Variants in WASHC2A observed in about 807,000 individuals in gnomAD.
WASHC2A encodes WASH complex subunit 2A.
A neutral mutation model predicts 140.3 loss-of-function variants in WASHC2A; 82 were observed. The ratio of observed to expected loss-of-function variants is 0.58; its 90% confidence interval spans 0.49 to 0.70. WASHC2A has a LOEUF of 0.70. Among genes scored for constraint, WASHC2A ranks in the 30% least tolerant of loss-of-function variants. The pLI, the probability that WASHC2A is intolerant of heterozygous loss-of-function variation, is 0.00. For synonymous variants in WASHC2A, 340 were observed against 560.8 expected (o/e 0.61, Z 5.56); for missense variants, 985 against 1,521.8 (o/e 0.65, Z 5.87).
intron 3 of WASHC2A, among the ~76,000 whole-genome samples, chr10:50,077,656 T>G (rs573662628): frequency 2.6e-5 from 4 of 152,242 alleles, no homozygotes; most frequent in Non-Finnish European, 4.4e-5. Flanking sequence ...TTTCTTTCTT[T>G]TTAAAAAATT....
chr10:50,110,131 C>G lies in WASHC2A; in HGVS notation c.1900C>G (p.His634Asp). 1 of 1,610,960 alleles carries G rather than the reference C, an allele frequency of 6.2e-7. No homozygotes were observed. The highest frequency in any genetic ancestry group is 8.5e-7 in the Non-Finnish European group (1 of 1,179,502). Reference sequence around the variant, plus strand: ...GTGGAATATTCCTGCTTCACAGACCCACTTAGCATCTGACAGCAGGTCTAA... The same window carrying G: ...GTGGAATATTCCTGCTTCACAGACCGACTTAGCATCTGACAGCAGGTCTAA... ...DQWNIPASQTHLASDSRSKGE... is the reference protein window; with the variant it reads ...DQWNIPASQTDLASDSRSKGE... Residue 634 changes from histidine (H) to aspartate (D), a missense_variant, in exon 20 of 31, where the codon CAC becomes GAC. Coordinates refer to ENST00000282633, the MANE Select transcript of WASHC2A (RefSeq NM_001005751.3).
At chr10:50,102,939 T>A (rs1202876742) in intron 17 of WASHC2A, among the ~76,000 whole-genome samples, 57 of 152,006 alleles carry the variant, frequency 3.7e-4, no homozygotes, top group Non-Finnish European at 6.5e-4. Context: ...GGATCTTGGC[T>A]CACTGCAACC....
intron 8 of WASHC2A, among the ~76,000 whole-genome samples, chr10:50,090,136 T>C (rs1554882256): frequency 1.3e-5 from 2 of 151,676 alleles, no homozygotes; most frequent in African/African-American, 4.8e-5. Context: ...AATAAAAATA[T>C]TTCTCTAGTA....
In WASHC2A at chr10:50,079,600, T is replaced by C. The variant is rs1304537814; in HGVS notation, c.354+863T>C. 5.3e-5 allele frequency among the ~76,000 whole-genome samples: 8 copies of C among 152,334 alleles called. No homozygotes were observed. The South Asian group carries it at 8.3e-4, about 16-fold the overall frequency. On this transcript the variant is annotated intron_variant, in intron 4 of 30. Coordinates refer to ENST00000282633, the MANE Select transcript of WASHC2A (RefSeq NM_001005751.3). ...TTATTGTAGAGACGGGGTTTTGCCATGTTGGCCAGGCTCGTCTCAAACTCC... is the reference window on the plus strand; with the variant it reads ...TTATTGTAGAGACGGGGTTTTGCCACGTTGGCCAGGCTCGTCTCAAACTCC...
At chr10:50,086,226 GCACTCTCCCTGCCCGCCTTTCTT>G (rs1225266146) in intron 7 of WASHC2A, among the ~76,000 whole-genome samples, 3 of 151,060 alleles carry the variant, frequency 2.0e-5, no homozygotes, top group African/African-American at 7.3e-5. Context: ...CCCCCTTTCT[GCACTCTCCCTGCCCGCCTTTCTT>G]CCAGTCCTCC....
chr10:50,088,958 C>CTTTTTT lies in WASHC2A; in HGVS notation c.732+1655_732+1660dup, dbSNP rs1210204220. 4.4e-4 allele frequency among the ~76,000 whole-genome samples: 18 copies of CTTTTTT among 41,376 alleles called. 1 individual carries two copies. The highest frequency in any genetic ancestry group is 8.5e-4 in the South Asian group (1 of 1,172). The allele number at this position is 41,376 out of a possible 152,430, so 27.1% of individuals were successfully genotyped here. On this transcript the variant is annotated intron_variant, in intron 8 of 30. Coordinates refer to ENST00000282633, the MANE Select transcript of WASHC2A (RefSeq NM_001005751.3). ...TGTAAATGCAAACAGTTTTTCTTTCCTTTTTTTTTTTTTTTTTTTTTTTTG... is the reference window on the plus strand; with the variant it reads ...TGTAAATGCAAACAGTTTTTCTTTCCTTTTTTTTTTTTTTTTTTTTTTTTTTTTTTG...
intron 7 of WASHC2A, among the ~76,000 whole-genome samples, chr10:50,085,973 G>A (rs1839340516): frequency 6.7e-6 from 1 of 150,016 alleles, no homozygotes; most frequent in South Asian, 2.1e-4. Context: ...AGGATATACC[G>A]AAAGCCACCA....
chr10:50,084,088 G>A lies in WASHC2A; in HGVS notation c.545G>A (p.Arg182His), dbSNP rs1391923168. The change falls in exon 6 of 31, where the codon CGT (arginine) becomes CAT (histidine). Residue 182 changes from arginine (R) to histidine (H), a missense_variant. Physicochemically the swap from Arg to His is conservative, Grantham distance 29. Transcript: ENST00000282633. Reference sequence around the variant, plus strand: ...GATGTACAGGATCTATACATTGATCGTCCTTTACCATATCTCATTGGGTCA... The same window carrying A: ...GATGTACAGGATCTATACATTGATCATCCTTTACCATATCTCATTGGGTCA... ...ILEPKDLYID[R>H]PLPYLIGSKL... The A allele has an allele frequency of 8.7e-6, 14 of 1,611,290 alleles. No homozygotes were observed. In the African/African-American group the frequency reaches 1.1e-4, roughly 12 times the overall value.
chr10:50,132,483 A>G (rs1844062140), intron 30 of WASHC2A, among the ~76,000 whole-genome samples: 1 of 152,270 alleles, frequency 6.6e-6, no homozygotes, highest in Non-Finnish European at 1.5e-5. Context: ...GAATATCTAA[A>G]TAAGTCCATT....
chr10:50,081,224 G>T lies in WASHC2A; in HGVS notation c.528+293G>T, dbSNP rs1485104426. On this transcript the variant is annotated intron_variant, in intron 5 of 30. Transcript: ENST00000282633. ...GGAGACATACATACGAATAACCGTT[G>T]TAAATGCCCTGAGAGAGAATTGACT... Among the ~76,000 whole-genome samples, 162 of 124,656 alleles carry T rather than the reference G, an allele frequency of 1.3e-3. 2 individuals are homozygous for T. Among genetic ancestry groups the T allele is most frequent in the African/African-American group, 4.7e-3 (153 of 32,898 alleles). The allele number at this position is 124,656 out of a possible 152,430, so 81.8% of individuals were successfully genotyped here.
chr10:50,124,869 C>CATATATATATATATATAT (rs3067568), intron 23 of WASHC2A, among the ~76,000 whole-genome samples: 2 of 149,184 alleles, frequency 1.3e-5, no homozygotes, highest in African/African-American at 4.9e-5. Flanking sequence ...AAAGCTTGTG[C>CATATATATATATATATAT]ATATATATAT....
rs1445163330 is a variant in WASHC2A, at chr10:50,092,840, A to T, written c.1004-428A>T. ...AGCATTTGTTTTCAATAAAGGATAC[A>T]CCAGGCCTTTTTCTGCAAACAGCCA... On this transcript the variant is annotated intron_variant, in intron 11 of 30. Coordinates refer to ENST00000282633, the MANE Select transcript of WASHC2A (RefSeq NM_001005751.3). Among the ~76,000 whole-genome samples the T allele has an allele frequency of 1.8e-3, 275 of 152,296 alleles. 1 individual carries two copies. Among genetic ancestry groups the T allele is most frequent in the African/African-American group, 6.2e-3 (257 of 41,566 alleles).
chr10:50,080,097 G>A (rs1266451470), intron 4 of WASHC2A, among the ~76,000 whole-genome samples: 1 of 152,036 alleles, frequency 6.6e-6, no homozygotes, highest in African/African-American at 2.4e-5. Flanking sequence ...TGGCACACTT[G>A]TGTCTGCGGG....
intron 23 of WASHC2A, among the ~76,000 whole-genome samples, chr10:50,122,885 C>G (rs1399479158): frequency 1.2e-5 from 1 of 86,862 alleles, no homozygotes; most frequent in African/African-American, 4.4e-5. Context: ...GCTATGATCA[C>G]ACCATTGCAC....
chr10:50,068,575 G>A (rs569526303), intron 2 of WASHC2A, among the ~76,000 whole-genome samples: 2 of 151,374 alleles, frequency 1.3e-5, no homozygotes, highest in Admixed American at 1.3e-4. Flanking sequence ...AAGCCAGTAT[G>A]TGGATATCCT....
intron 30 of WASHC2A, chr10:50,131,308 G>A (rs1160949545): frequency 1.5e-5 from 11 of 744,798 alleles, no homozygotes; most frequent in South Asian, 7.4e-5. Context: ...AGAGTTTGAC[G>A]TTTAAGTATA....
Position 50,087,456 on chromosome 10 carries a change from A to G in WASHC2A, c.732+134A>G, listed in dbSNP as rs1238873901. ...GTATACAATTTATTTTCCTTTAAGC[A>G]TTTCATGTATTTAGGCTAACTACCT... On this transcript the variant is annotated intron_variant, in intron 8 of 30. Coordinates refer to ENST00000282633, the MANE Select transcript of WASHC2A (RefSeq NM_001005751.3). 6.7e-5 allele frequency: 81 copies of G among 1,201,844 alleles called. 1 individual carries two copies. The highest frequency in any genetic ancestry group is 8.6e-5 in the Non-Finnish European group (72 of 839,498). 74.4% of individuals were successfully genotyped at this position (1,201,844 alleles called of 1,614,324 possible). A position where few individuals can be genotyped will look rare whatever the true frequency, so the allele number is the denominator to read the frequency against.
At chr10:50,120,618 C>CAAAA (rs1161708139) in intron 23 of WASHC2A, among the ~76,000 whole-genome samples, 1 of 37,762 alleles carries the variant, frequency 2.6e-5, no homozygotes, top group Non-Finnish European at 4.8e-5. Flanking sequence ...GACTCCATCT[C>CAAAA]AAAAAAAAAA....
At chr10:50,132,114 G>A (rs1297256892) in intron 30 of WASHC2A, among the ~76,000 whole-genome samples, 42 of 152,252 alleles carry the variant, frequency 2.8e-4, no homozygotes, top group Admixed American at 7.8e-4. Flanking sequence ...GTTTTCAGTG[G>A]TGTGCACGAT....
Sources: allele counts gnomAD v4.1 joint callset (sites outside exome capture counted in the v4.1 genomes callset), GRCh38; gene constraint gnomAD v4.1.1; transcripts MANE v1.5; gene names NCBI Gene and HGNC (gene_info 2026-07-23, HGNC 2026-07-21).